Variants in MEGF11 observed in about 807,000 individuals in gnomAD.
MEGF11 encodes multiple epidermal growth factor-like domains protein 11.
MEGF11 carries 126 observed loss-of-function variants against 146.6 expected under a neutral mutation model. That is an observed-to-expected ratio of 0.86 (90% confidence interval 0.74 to 1.00). MEGF11 has a LOEUF of 1.00. Among genes scored for constraint, MEGF11 ranks in the 50% least tolerant of loss-of-function variants. MEGF11 has a pLI of 0.00. For synonymous variants in MEGF11, 532 were observed against 583.4 expected (o/e 0.91, Z 1.27); for missense variants, 1,509 against 1,521.2 (o/e 0.99, Z 0.13).
At chr15:66,040,752 T>C (rs1438565788) in intron 5 of MEGF11, among the ~76,000 whole-genome samples, 1 of 152,146 alleles carries the variant, frequency 6.6e-6, no homozygotes. Context: ...CTCACTTCCA[T>C]GGTTGAAACC....
At chr15:66,211,051 TAAG>T (rs2091431963) in intron 1 of MEGF11, among the ~76,000 whole-genome samples, 1 of 151,940 alleles carries the variant, frequency 6.6e-6, no homozygotes, top group African/African-American at 2.4e-5. Flanking sequence ...ACTCCAGAGG[TAAG>T]AAGAGAGGGG....
Position 66,204,752 on chromosome 15 carries a change from G to A in MEGF11, c.-9+48853C>T, listed in dbSNP as rs146714298. 1.4e-4 allele frequency among the ~76,000 whole-genome samples: 21 copies of A among 152,240 alleles called. No individual in the cohort carries two copies. In the East Asian group the frequency reaches 2.3e-3, roughly 17 times the overall value. ...CATTTCCCTACTTGGGAAGACCACC[G>A]GTCTAGCAAGAGACAATGAGACTCA... On this transcript the variant is annotated intron_variant, in intron 1 of 25. Transcript: ENST00000395614.
intron 5 of MEGF11, among the ~76,000 whole-genome samples, chr15:66,066,056 G>A (rs2085110773): frequency 6.6e-6 from 1 of 152,158 alleles, no homozygotes; most frequent in African/African-American, 2.4e-5. Context: ...TCTGAACAGG[G>A]ACCCAAATGG....
At position 65,929,893 on chromosome 15, in the gene MEGF11, G is replaced by C; in HGVS notation, c.1409-10C>G. 2 of 1,591,698 alleles carry C rather than the reference G, an allele frequency of 1.3e-6. No homozygotes were observed. Among genetic ancestry groups the C allele is most frequent in the Non-Finnish European group, 1.7e-6 (2 of 1,168,836 alleles). On this transcript the variant is annotated splice_polypyrimidine_tract_variant and intron_variant, in intron 11 of 25. Coordinates refer to ENST00000395614, the MANE Select transcript of MEGF11 (RefSeq NM_001385028.1). Reference sequence around the variant, plus strand: ...TCCAGGCCCTGCCACCCTGAGGGGAGGGAAAGGGACTGTCACTTCTCCATC... The same window carrying C: ...TCCAGGCCCTGCCACCCTGAGGGGACGGAAAGGGACTGTCACTTCTCCATC...
intron 5 of MEGF11, among the ~76,000 whole-genome samples, chr15:66,013,898 A>G (rs1395468446): frequency 3.3e-5 from 5 of 152,200 alleles, no homozygotes; most frequent in Middle Eastern, 3.2e-3. Flanking sequence ...AGGAGCAGTT[A>G]GGGGCCAGAT....
At chr15:66,017,049 C>T (rs909647301) in intron 5 of MEGF11, among the ~76,000 whole-genome samples, 1 of 152,202 alleles carries the variant, frequency 6.6e-6, no homozygotes, top group Non-Finnish European at 1.5e-5. Context: ...TTGTTCCTGT[C>T]CTTCCCAAGT....
chr15:66,024,190 T>C (rs1402534808), intron 5 of MEGF11, among the ~76,000 whole-genome samples: 1 of 152,244 alleles, frequency 6.6e-6, no homozygotes, highest in Non-Finnish European at 1.5e-5. Flanking sequence ...GGAAGAATTT[T>C]AAAAGCCACA....
intron 1 of MEGF11, among the ~76,000 whole-genome samples, chr15:66,201,418 G>A (rs1270442166): frequency 6.6e-6 from 1 of 152,154 alleles, no homozygotes; most frequent in African/African-American, 2.4e-5. Flanking sequence ...GATTGACACA[G>A]GGTAGGAGAC....
At chr15:66,240,956 T>C (rs1204086626) in intron 1 of MEGF11, among the ~76,000 whole-genome samples, 1 of 152,174 alleles carries the variant, frequency 6.6e-6, no homozygotes, top group Non-Finnish European at 1.5e-5. Flanking sequence ...TTGTTTCCTA[T>C]AAGGCCAGCC....
In MEGF11 at chr15:66,090,042, C is replaced by T. The variant is rs183226819; in HGVS notation, c.394+4360G>A. 5.7e-3 allele frequency among the ~76,000 whole-genome samples: 874 copies of T among 152,304 alleles called. 4 individuals carry two copies. The highest frequency in any genetic ancestry group is 0.01 in the Non-Finnish European group (690 of 68,030). ...TCTGATAGTTGGTGTGTCAGCCCAC[C>T]AGGCAAATCAGCATCATCTCTCTTC... is the stretch of plus-strand genomic sequence containing the variant. On this transcript the variant is annotated intron_variant, in intron 5 of 25. Coordinates refer to ENST00000395614, the MANE Select transcript of MEGF11 (RefSeq NM_001385028.1).
At chr15:65,940,601 A>T (rs908787775) in intron 10 of MEGF11, among the ~76,000 whole-genome samples, 1 of 152,262 alleles carries the variant, frequency 6.6e-6, no homozygotes, top group African/African-American at 2.4e-5. Context: ...AGCAACTGAC[A>T]GCAGGTGCAT....
intron 5 of MEGF11, among the ~76,000 whole-genome samples, chr15:66,080,150 C>T (rs987311664): frequency 4.6e-5 from 7 of 152,164 alleles, no homozygotes; most frequent in African/African-American, 1.2e-4. Flanking sequence ...CGGCCCACAG[C>T]CCCCCAGGAC....
chr15:66,246,750 G>T (rs547350308), intron 1 of MEGF11, among the ~76,000 whole-genome samples: 1 of 152,150 alleles, frequency 6.6e-6, no homozygotes, highest in Non-Finnish European at 1.5e-5. Flanking sequence ...GGTCAAGGCT[G>T]CAGTGAGCTA....
At chr15:66,157,224 C>T (rs200990612) in intron 1 of MEGF11, among the ~76,000 whole-genome samples, 53 of 152,340 alleles carry the variant, frequency 3.5e-4, no homozygotes, top group East Asian at 1.9e-3. Context: ...GACATCTCCA[C>T]GGGCAAACGT....
chr15:66,150,188 G>A (rs911850303), intron 1 of MEGF11, among the ~76,000 whole-genome samples: 5 of 152,232 alleles, frequency 3.3e-5, no homozygotes, highest in Non-Finnish European at 7.3e-5. Flanking sequence ...CCCCGAGCAG[G>A]GAGCCAGGCC....
intron 1 of MEGF11, among the ~76,000 whole-genome samples, chr15:66,143,328 G>A (rs1049633099): frequency 1.3e-5 from 2 of 152,176 alleles, no homozygotes; most frequent in Non-Finnish European, 2.9e-5. Flanking sequence ...CAGCACCTCC[G>A]GTGGGGGCTA....
intron 1 of MEGF11, among the ~76,000 whole-genome samples, chr15:66,177,164 A>T (rs1341603618): frequency 6.6e-6 from 1 of 152,126 alleles, no homozygotes; most frequent in Non-Finnish European, 1.5e-5. Flanking sequence ...TCTTCCCCCA[A>T]ATTATTCATA....
chr15:66,053,730 T>C (rs1170559169), intron 5 of MEGF11, among the ~76,000 whole-genome samples: 3 of 140,266 alleles, frequency 2.1e-5, no homozygotes, highest in South Asian at 2.6e-4. Context: ...TTTTTTTTTT[T>C]TTTTTTTTTT....
At chr15:65,929,652 A>G in intron 12 of MEGF11, 68 bp downstream of exon 12, 1 of 1,502,318 alleles carries the variant, frequency 6.7e-7, no homozygotes, top group East Asian at 2.5e-5. Context: ...TTGTGGACGA[A>G]CTAACACCAG....
Sources: gnomAD v4.1 joint callset for allele counts (sites outside exome capture counted in the v4.1 genomes callset) on GRCh38, gnomAD v4.1.1 for gene constraint, MANE v1.5 for transcripts, NCBI Gene and HGNC (gene_info 2026-07-23, HGNC 2026-07-21) for gene names.